The following SLC39A11 variants were observed in gnomAD, a reference collection of about 807,000 sequenced individuals.
The protein encoded by SLC39A11 is zinc transporter ZIP11.
SLC39A11 carries 33 observed loss-of-function variants against 36.1 expected under a neutral mutation model. The observed-to-expected ratio is 0.91, with a 90% CI of 0.69 to 1.22. The LOEUF (loss-of-function observed/expected upper bound fraction) is 1.22. Among genes scored for constraint, SLC39A11 ranks in the 50% most tolerant of loss-of-function variants. SLC39A11 has a pLI of 0.00. For synonymous variants in SLC39A11, 166 were observed against 170.3 expected (o/e 0.97, Z 0.20); for missense variants, 432 against 430.3 (o/e 1.00, Z -0.03).
intron 5 of SLC39A11, among the ~76,000 whole-genome samples, chr17:72,906,616 A>G (rs2082669705): frequency 6.6e-6 from 1 of 152,360 alleles, no homozygotes; most frequent in South Asian, 2.1e-4. Flanking sequence ...CCTGACTCCA[A>G]CTGATGACAG....
intron 4 of SLC39A11, among the ~76,000 whole-genome samples, chr17:72,962,269 C>T (rs1399555172): frequency 1.3e-5 from 2 of 152,164 alleles, no homozygotes; most frequent in Non-Finnish European, 2.9e-5. Context: ...TCAAACAACA[C>T]TCCTTTTTCA....
intron 7 of SLC39A11, among the ~76,000 whole-genome samples, chr17:72,677,476 G>A (rs2071320938): frequency 6.6e-6 from 1 of 152,190 alleles, no homozygotes; most frequent in Non-Finnish European, 1.5e-5. Flanking sequence ...AGAGAAGAGG[G>A]TGGGAGAATC....
At chr17:72,904,581 G>C (rs1271614614) in intron 5 of SLC39A11, among the ~76,000 whole-genome samples, 1 of 152,164 alleles carries the variant, frequency 6.6e-6, no homozygotes, top group Non-Finnish European at 1.5e-5. Context: ...CAACAAGGAA[G>C]GTCCCAGAGC....
intron 7 of SLC39A11, among the ~76,000 whole-genome samples, chr17:72,675,529 G>A (rs562858993): frequency 7.2e-5 from 11 of 152,152 alleles, no homozygotes; most frequent in African/African-American, 2.4e-4. Context: ...CCCTTCCTTT[G>A]CCTTCGTGGC....
At chr17:72,674,232 A>G (rs922518163) in intron 7 of SLC39A11, among the ~76,000 whole-genome samples, 1 of 152,138 alleles carries the variant, frequency 6.6e-6, no homozygotes, top group African/African-American at 2.4e-5. Context: ...CTTCTGCACA[A>G]GTAAGTGGAT....
chr17:72,827,652 G>A (rs1007512949), intron 6 of SLC39A11, among the ~76,000 whole-genome samples: 2 of 152,196 alleles, frequency 1.3e-5, no homozygotes, highest in African/African-American at 4.8e-5. Context: ...ACATGAGTTT[G>A]ATATGAAGGA....
At chr17:72,857,298 C>CA (rs2079696211) in intron 5 of SLC39A11, among the ~76,000 whole-genome samples, 1 of 151,990 alleles carries the variant, frequency 6.6e-6, no homozygotes, top group Non-Finnish European at 1.5e-5. Flanking sequence ...TCTGTGTTCC[C>CA]AAAAAAGACA....
chr17:72,952,475 C>A (rs997661300), intron 4 of SLC39A11, among the ~76,000 whole-genome samples: 55 of 150,906 alleles, frequency 3.6e-4, no homozygotes, highest in African/African-American at 1.3e-3. Flanking sequence ...ATATCCCCCA[C>A]CCCCCTGCTG....
At chr17:72,997,324 G>C (rs1046040019) in intron 4 of SLC39A11, among the ~76,000 whole-genome samples, 4 of 152,186 alleles carry the variant, frequency 2.6e-5, no homozygotes, top group African/African-American at 9.6e-5. Context: ...CATGATCTCA[G>C]CTCACTGCAA....
intron 3 of SLC39A11, among the ~76,000 whole-genome samples, chr17:73,083,947 T>C (rs190719693): frequency 6.6e-6 from 1 of 152,294 alleles, no homozygotes; most frequent in Admixed American, 6.5e-5. Flanking sequence ...GTCATTCAGT[T>C]AGACATGTGT....
intron 7 of SLC39A11, among the ~76,000 whole-genome samples, chr17:72,705,704 G>T (rs2072862704): frequency 6.6e-6 from 1 of 152,226 alleles, no homozygotes; most frequent in South Asian, 2.1e-4. Context: ...TGACCCAGCA[G>T]TTCCCTGGGG....
rs1405667909 is a variant in SLC39A11, at chr17:73,085,736, C to T, written c.109-890G>A. On this transcript the variant is annotated intron_variant, in intron 2 of 9. Transcript: ENST00000255559. ...TTTGGCAGCACCGATGAGAGGTGAA[C>T]ACTATGTGTGCCACTCCTGAGTAAT... Among the ~76,000 whole-genome samples, 3 of 150,184 alleles carry T rather than the reference C, an allele frequency of 2.0e-5. No homozygotes were observed. The East Asian group carries it at 5.9e-4, about 30-fold the overall frequency.
At chr17:72,754,204 C>A (rs571061184) in intron 6 of SLC39A11, among the ~76,000 whole-genome samples, 1 of 151,714 alleles carries the variant, frequency 6.6e-6, no homozygotes, top group Admixed American at 6.6e-5. Context: ...AATGGAAAAC[C>A]AAACATCATA....
At chr17:72,839,826 A>T (rs560250205) in intron 6 of SLC39A11, 1 of 152,348 alleles carries the variant, frequency 6.6e-6, no homozygotes, top group East Asian at 1.9e-4. Context: ...GAGGTGTTGA[A>T]GTGGTTAGGT....
chr17:72,971,321 C>T (rs1016578959), intron 4 of SLC39A11, among the ~76,000 whole-genome samples: 2 of 147,976 alleles, frequency 1.4e-5, no homozygotes, highest in African/African-American at 2.6e-5. Flanking sequence ...CACACATACA[C>T]ACACACACAC....
chr17:72,985,054 C>T (rs1468890683), intron 4 of SLC39A11, among the ~76,000 whole-genome samples: 1 of 152,206 alleles, frequency 6.6e-6, no homozygotes, highest in Non-Finnish European at 1.5e-5. Flanking sequence ...GAGGCCCAGC[C>T]GGGCTAGAGG....
intron 4 of SLC39A11, among the ~76,000 whole-genome samples, chr17:72,996,966 T>A (rs551959932): frequency 6.6e-4 from 101 of 152,246 alleles, no homozygotes; most frequent in Non-Finnish European, 5.9e-5. Context: ...CCAAGGCAGA[T>A]GGCAGACACT....
chr17:73,068,409 C>T (rs1165070784), intron 3 of SLC39A11: 3 of 429,212 alleles, frequency 7.0e-6, no homozygotes, highest in Non-Finnish European at 1.2e-5. Context: ...AAGCAGGAAA[C>T]ATCACCACCA....
intron 4 of SLC39A11, among the ~76,000 whole-genome samples, chr17:73,018,703 G>T (rs1191308582): frequency 1.3e-5 from 2 of 151,990 alleles, no homozygotes; most frequent in African/African-American, 4.8e-5. Context: ...CATATTAACT[G>T]CCTGCCATGA....
Sources: gnomAD v4.1 joint callset for allele counts (sites outside exome capture counted in the v4.1 genomes callset) on GRCh38, gnomAD v4.1.1 for gene constraint, MANE v1.5 for transcripts, NCBI Gene and HGNC (gene_info 2026-07-23, HGNC 2026-07-21) for gene names.